The following CYP4F22 variants were observed in gnomAD, a reference collection of about 807,000 sequenced individuals.
The protein encoded by CYP4F22 is cytochrome P450 family 4 subfamily F member 22, also known as ultra-long-chain fatty acid omega-hydroxylase.
CYP4F22 carries 37 observed loss-of-function variants against 60.4 expected under a neutral mutation model. The observed-to-expected ratio is 0.61, with a 90% CI of 0.47 to 0.81. The LOEUF (loss-of-function observed/expected upper bound fraction) is 0.81, where lower values mean the gene tolerates loss of function less well. Among genes scored for constraint, CYP4F22 ranks in the 30% least tolerant of loss-of-function variants. The probability of loss-of-function intolerance (pLI) is 0.00; values close to 1 mark genes in which losing one functional copy is unlikely to be tolerated. For missense variants in CYP4F22, 655 were observed against 715.0 expected (o/e 0.92, Z 0.96); for synonymous variants, 258 against 280.5 (o/e 0.92, Z 0.80).
chr19:15,548,948 T>C (rs919953600), intron 11 of CYP4F22, among the ~76,000 whole-genome samples, 190 bp from the exon 12 acceptor site: 3 of 152,020 alleles, frequency 2.0e-5, no homozygotes, highest in Admixed American at 6.6e-5. Flanking sequence ...AGAAAGAAGA[T>C]GATAGGTTCC....
chr19:15,549,736 G>A (rs1199177661), intron 12 of CYP4F22, among the ~76,000 whole-genome samples: 1 of 151,602 alleles, frequency 6.6e-6, no homozygotes, highest in Non-Finnish European at 1.5e-5. Flanking sequence ...AGACCAAGAT[G>A]GGAAGATTGT....
chr19:15,538,933 A>T (rs950894116), intron 7 of CYP4F22, among the ~76,000 whole-genome samples: 3 of 152,306 alleles, frequency 2.0e-5, no homozygotes, highest in Non-Finnish European at 4.4e-5. Context: ...CAAGAAAACG[A>T]CAGACTGCAA....
At chr19:15,528,975 G>T (rs1971311898) in intron 3 of CYP4F22, among the ~76,000 whole-genome samples, 1 of 151,908 alleles carries the variant, frequency 6.6e-6, no homozygotes, top group Admixed American at 6.6e-5. Context: ...ACAGGGTCTT[G>T]CTCTGTCACC....
At chr19:15,532,500 G>A (rs919894900) in intron 4 of CYP4F22, among the ~76,000 whole-genome samples, 4 of 151,610 alleles carry the variant, frequency 2.6e-5, no homozygotes, top group African/African-American at 4.8e-5. Context: ...TCAGCCTCCC[G>A]AGTAGCTGAG....
At chr19:15,512,500 T>C (rs1045831142) in intron 1 of CYP4F22, among the ~76,000 whole-genome samples, 4 of 152,076 alleles carry the variant, frequency 2.6e-5, no homozygotes, top group African/African-American at 9.7e-5. Flanking sequence ...GAGACAGGGT[T>C]TCATCATGTT....
Position 15,541,741 on chromosome 19 carries a change from G to A in CYP4F22, c.939+1024G>A, listed in dbSNP as rs186862114. On this transcript the variant is annotated intron_variant, in intron 8 of 13. Coordinates refer to ENST00000269703, the MANE Select transcript of CYP4F22 (RefSeq NM_173483.4). ...ACTAAAAATACAAAATTAGCCGGGC[G>A]TGGTGGCACACACCTGTAATCCCAG... Among the ~76,000 whole-genome samples the A allele has an allele frequency of 9.2e-5, 14 of 151,966 alleles. No homozygotes were observed. The South Asian group carries it at 1.7e-3, about 18-fold the overall frequency.
In CYP4F22 at chr19:15,551,407, A is replaced by G. The variant is rs1167473603; in HGVS notation, c.1532A>G (p.Glu511Gly). The G allele has an allele frequency of 1.9e-6, 3 of 1,601,978 alleles. No individual in the cohort carries two copies. The highest frequency in any genetic ancestry group is 2.6e-6 in the Non-Finnish European group (3 of 1,174,388). ...DRTRKVRRKP[E>G]LILRTENGLW... Reference sequence around the variant, plus strand: ...ACGCGCAAGGTGCGGCGGAAGCCGGAGCTCATACTGCGCACGGAGAACGGG... The same window carrying G: ...ACGCGCAAGGTGCGGCGGAAGCCGGGGCTCATACTGCGCACGGAGAACGGG... Residue 511 changes from glutamate (E) to glycine (G), a missense_variant, in exon 14 of 14, where the codon GAG becomes GGG. By Grantham distance (98) the Glu-to-Gly change is moderately conservative. This residue lies in a region of CYP4F22 where 151 missense variants were observed against 139.4 expected (regional missense o/e 1.08). Transcript: ENST00000269703.
chr19:15,515,782 G>A (rs1235037706), intron 1 of CYP4F22, among the ~76,000 whole-genome samples: 1 of 151,882 alleles, frequency 6.6e-6, no homozygotes, highest in Non-Finnish European at 1.5e-5. Flanking sequence ...GGAGGGCAGT[G>A]GCGCGATCTC....
chr19:15,548,262 G>A (rs981106475), intron 11 of CYP4F22, 21 bp downstream of exon 11: 2 of 1,613,696 alleles, frequency 1.2e-6, no homozygotes, highest in Non-Finnish European at 8.5e-7. Flanking sequence ...TGTTCCGCCT[G>A]CTGCTGGTGC....
chr19:15,520,418 C>T (rs1238546056), intron 1 of CYP4F22, among the ~76,000 whole-genome samples: 8 of 138,838 alleles, frequency 5.8e-5, no homozygotes, highest in Non-Finnish European at 1.2e-4. Context: ...TTTTTTGAGA[C>T]GGAGTTTTGC....
At chr19:15,547,018 G>GTT (rs71176432) in intron 10 of CYP4F22, among the ~76,000 whole-genome samples, 7,406 of 82,214 alleles carry the variant, frequency 0.09, 814 homozygotes, top group African/African-American at 0.23. Flanking sequence ...GCCTGCACCA[G>GTT]TTTTTTTTTT....
At chr19:15,511,794 C>T (rs1472835660) in intron 1 of CYP4F22, among the ~76,000 whole-genome samples, 3 of 152,218 alleles carry the variant, frequency 2.0e-5, no homozygotes, top group African/African-American at 2.4e-5. Flanking sequence ...CCGTGCCCTC[C>T]ACTCCTTCTT....
chr19:15,508,832 T>C (rs1392781138), intron 1 of CYP4F22, among the ~76,000 whole-genome samples: 1 of 151,602 alleles, frequency 6.6e-6, no homozygotes, highest in Non-Finnish European at 1.5e-5. Flanking sequence ...GTTTTCTTTT[T>C]TTTTTTTTCT....
intron 8 of CYP4F22, among the ~76,000 whole-genome samples, chr19:15,542,209 TTTTCTTGTTTTTTAA>T (rs1971470649): frequency 6.6e-6 from 1 of 152,070 alleles, no homozygotes; most frequent in South Asian, 2.1e-4. Context: ...TTCTTTTCTT[TTTTCTTGTTTTTTAA>T]AAATGTAATT....
At chr19:15,525,310 GA>G in intron 2 of CYP4F22, 25 bp from the exon 3 acceptor site, 1 of 1,607,868 alleles carries the variant, frequency 6.2e-7, no homozygotes, top group Non-Finnish European at 8.5e-7. Flanking sequence ...GCATGGCACC[GA>G]CCCCCTGACC....
chr19:15,537,681 A>G lies in CYP4F22; in HGVS notation c.549+19A>G. 6.2e-7 allele frequency: 1 copy of G among 1,610,204 alleles called. No homozygotes were observed. Among genetic ancestry groups the G allele is most frequent in the African/African-American group, 1.3e-5 (1 of 75,044 alleles). On this transcript the variant is annotated intron_variant, in intron 6 of 13. Coordinates refer to ENST00000269703, the MANE Select transcript of CYP4F22 (RefSeq NM_173483.4). ...TATGCATGTGAGTCCTAAGGCTTTG[A>G]GGGAAGAGGGTGTCTTGGGAGTGAG...
At chr19:15,548,489 T>G (rs955859886) in intron 11 of CYP4F22, among the ~76,000 whole-genome samples, 1 of 151,980 alleles carries the variant, frequency 6.6e-6, no homozygotes, top group Admixed American at 6.6e-5. Context: ...AGGGTGCAGT[T>G]GGGGAGGGTC....
Position 15,509,900 on chromosome 19 carries a change from C to CTTTCTTT in CYP4F22, c.-109+1317_-109+1318insTTTCTTT, listed in dbSNP as rs1555725970. 7.4e-3 allele frequency among the ~76,000 whole-genome samples: 652 copies of CTTTCTTT among 87,750 alleles called. 24 individuals are homozygous for CTTTCTTT. Among genetic ancestry groups the CTTTCTTT allele is most frequent in the South Asian group, 0.026 (53 of 2,032 alleles). 57.6% of individuals were successfully genotyped at this position (87,750 alleles called of 152,430 possible). On this transcript the variant is annotated intron_variant, in intron 1 of 13. Coordinates refer to ENST00000269703, the MANE Select transcript of CYP4F22 (RefSeq NM_173483.4). ...TCCTTCCTTCCTTCCTTCCTTCCTTCCTTCCTTTCTTTCTTTCCTTCCTTC... is the reference window on the plus strand; with the variant it reads ...TCCTTCCTTCCTTCCTTCCTTCCTTCTTTCTTTCTTCCTTTCTTTCTTTCCTTCCTTC...
intron 1 of CYP4F22, among the ~76,000 whole-genome samples, chr19:15,513,912 G>C (rs1568352592): frequency 6.6e-6 from 1 of 152,100 alleles, no homozygotes; most frequent in African/African-American, 2.4e-5. Flanking sequence ...TAATAGTATC[G>C]AGCACTCTGG....
Sources: allele counts gnomAD v4.1 joint callset (sites outside exome capture counted in the v4.1 genomes callset), GRCh38; gene constraint gnomAD v4.1.1; regional missense constraint gnomAD v4.1.1; transcripts MANE v1.5; gene names NCBI Gene and HGNC (gene_info 2026-07-23, HGNC 2026-07-21).